KCNIP4: variants seen among roughly 807,000 people sequenced by gnomAD.
The protein encoded by KCNIP4 is potassium voltage-gated channel interacting protein 4.
KCNIP4 carries 12 observed loss-of-function variants against 34.0 expected under a neutral mutation model. The observed-to-expected ratio is 0.35, with a 90% CI of 0.23 to 0.57. The LOEUF (loss-of-function observed/expected upper bound fraction) is 0.57. KCNIP4 is among the 20% of genes least tolerant of loss of function. KCNIP4 has a pLI of 0.83. For synonymous variants in KCNIP4, 124 were observed against 102.2 expected (o/e 1.21, Z -1.29); for missense variants, 238 against 311.7 (o/e 0.76, Z 1.78).
In KCNIP4 at chr4:21,777,420, C is replaced by T. The variant is rs186826067; in HGVS notation, c.61+171151G>A. Among the ~76,000 whole-genome samples, 434 of 152,254 alleles carry T rather than the reference C, an allele frequency of 2.9e-3. 3 individuals are homozygous for T. The highest frequency in any genetic ancestry group is 9.6e-3 in the African/African-American group (401 of 41,560). ...GTAATATACAATAATCACTAAAGCA[C>T]CTTCATATGGTGCCACAAAGCATAC... On this transcript the variant is annotated intron_variant, in intron 1 of 8. Coordinates refer to ENST00000382152, the MANE Select transcript of KCNIP4 (RefSeq NM_025221.6).
chr4:20,876,645 T>C (rs1560535452), intron 2 of KCNIP4, among the ~76,000 whole-genome samples: 1 of 152,084 alleles, frequency 6.6e-6, no homozygotes, highest in Non-Finnish European at 1.5e-5. Flanking sequence ...CTCAGCTCAC[T>C]GCAACCTCCA....
intron 3 of KCNIP4, among the ~76,000 whole-genome samples, chr4:20,771,052 G>A (rs192141477): frequency 1.3e-5 from 2 of 152,138 alleles, no homozygotes; most frequent in Non-Finnish European, 2.9e-5. Flanking sequence ...GTACATGGGA[G>A]GATGTATAGG....
chr4:21,296,350 C>T (rs1046200560), intron 1 of KCNIP4, among the ~76,000 whole-genome samples: 3 of 151,418 alleles, frequency 2.0e-5, no homozygotes, highest in African/African-American at 7.3e-5. Context: ...CACTTGTTTA[C>T]CAAGCAATGA....
intron 1 of KCNIP4, among the ~76,000 whole-genome samples, chr4:20,949,224 G>A (rs1400618473): frequency 1.3e-5 from 2 of 152,214 alleles, no homozygotes; most frequent in African/African-American, 2.4e-5. Context: ...CTGACGCATA[G>A]TCACAATGTT....
chr4:21,779,831 T>C (rs1485903075), intron 1 of KCNIP4, among the ~76,000 whole-genome samples: 1 of 151,654 alleles, frequency 6.6e-6, no homozygotes, highest in Non-Finnish European at 1.5e-5. Context: ...GTCGGGAGGC[T>C]GAAGCAGGAG....
chr4:20,822,308 C>T (rs1717206442), intron 3 of KCNIP4, among the ~76,000 whole-genome samples: 1 of 152,122 alleles, frequency 6.6e-6, no homozygotes, highest in Non-Finnish European at 1.5e-5. Context: ...GGCCAACACA[C>T]ATATGGAAAC....
intron 1 of KCNIP4, among the ~76,000 whole-genome samples, chr4:21,210,468 A>C (rs1236038761): frequency 6.6e-6 from 1 of 152,214 alleles, no homozygotes; most frequent in Non-Finnish European, 1.5e-5. Context: ...AAAGGAAGAC[A>C]CTCAATATAA....
chr4:21,409,997 G>A (rs1323418136), intron 1 of KCNIP4, among the ~76,000 whole-genome samples: 3 of 152,132 alleles, frequency 2.0e-5, no homozygotes, highest in Admixed American at 6.5e-5. Context: ...TTTTGGGAAC[G>A]TGAAAAGAGC....
At position 21,643,387 on chromosome 4, in the gene KCNIP4, T is replaced by G. The variant is rs114045487; in HGVS notation, c.61+305184A>C. Among the ~76,000 whole-genome samples the G allele has an allele frequency of 5.5e-3, 845 of 152,278 alleles. 4 individuals carry two copies. The highest frequency in any genetic ancestry group is 9.4e-3 in the Admixed American group (143 of 15,290). Reference sequence around the variant, plus strand: ...TTTAGTTGTACACAGGATAGTAGTATTAATCATGTTAAGCAAAAGTATTGC... The same window carrying G: ...TTTAGTTGTACACAGGATAGTAGTAGTAATCATGTTAAGCAAAAGTATTGC... On this transcript the variant is annotated intron_variant, in intron 1 of 8. Coordinates refer to ENST00000382152, the MANE Select transcript of KCNIP4 (RefSeq NM_025221.6).
intron 1 of KCNIP4, among the ~76,000 whole-genome samples, chr4:20,946,874 A>C (rs6448000): frequency 6.6e-6 from 1 of 152,016 alleles, no homozygotes; most frequent in Admixed American, 6.5e-5. Context: ...TTAATTGCAG[A>C]TTGTTACAGT....
intron 1 of KCNIP4, among the ~76,000 whole-genome samples, chr4:21,459,311 G>C (rs1729245078): frequency 6.6e-6 from 1 of 151,986 alleles, no homozygotes; most frequent in African/African-American, 2.4e-5. Context: ...GATCCCTCCT[G>C]GAAACACGTT....
At chr4:21,028,783 T>C (rs1426501105) in intron 1 of KCNIP4, among the ~76,000 whole-genome samples, 1 of 152,168 alleles carries the variant, frequency 6.6e-6, no homozygotes, top group Non-Finnish European at 1.5e-5. Context: ...AGGCATAGAA[T>C]GATGGGCTGT....
intron 1 of KCNIP4, among the ~76,000 whole-genome samples, chr4:21,241,438 C>T (rs1250159996): frequency 6.6e-6 from 1 of 152,068 alleles, no homozygotes; most frequent in Non-Finnish European, 1.5e-5. Flanking sequence ...TTGACATTCA[C>T]AGAGGGGTTA....
At chr4:21,152,444 T>C (rs532781859) in intron 1 of KCNIP4, among the ~76,000 whole-genome samples, 2 of 152,012 alleles carry the variant, frequency 1.3e-5, no homozygotes, top group East Asian at 1.9e-4. Context: ...TCAAACAACA[T>C]AGGAAAGCAA....
intron 1 of KCNIP4, among the ~76,000 whole-genome samples, chr4:21,858,867 A>T (rs1724904386): frequency 6.6e-6 from 1 of 152,230 alleles, no homozygotes; most frequent in African/African-American, 2.4e-5. Context: ...AAACCACAGT[A>T]TCCTAAGATA....
chr4:21,685,649 A>C (rs925719161), intron 1 of KCNIP4, among the ~76,000 whole-genome samples: 6 of 152,228 alleles, frequency 3.9e-5, no homozygotes, highest in Non-Finnish European at 5.9e-5. Flanking sequence ...AAAATAAAGA[A>C]AGGAGACCAA....
At chr4:21,109,119 C>T (rs1051754261) in intron 1 of KCNIP4, among the ~76,000 whole-genome samples, 1 of 150,918 alleles carries the variant, frequency 6.6e-6, no homozygotes, top group Non-Finnish European at 1.5e-5. Flanking sequence ...AGAACCACTG[C>T]TCTCTTCAAA....
chr4:21,948,480 C>A, intron 1 of KCNIP4, 91 bp downstream of exon 1: 1 of 1,410,780 alleles, frequency 7.1e-7, no homozygotes, highest in South Asian at 1.3e-5. Flanking sequence ...AACAAGCGTC[C>A]CCAGCCGAGG....
rs181312932 is a variant in KCNIP4, at chr4:21,109,701, G to A, written c.62-226992C>T. Among the ~76,000 whole-genome samples the A allele has an allele frequency of 3.9e-3, 592 of 152,258 alleles. 2 individuals carry two copies. The highest frequency in any genetic ancestry group is 0.014 in the African/African-American group (564 of 41,568). On this transcript the variant is annotated intron_variant, in intron 1 of 8. Transcript: ENST00000382152. ...ATCACCCGTCTTCTGCATGACTCAC[G>A]CTGGGAGCTGTAGACCGGAGCTGTT... is the stretch of plus-strand genomic sequence containing the variant.
Sources: allele counts gnomAD v4.1 joint callset (sites outside exome capture counted in the v4.1 genomes callset), GRCh38; gene constraint gnomAD v4.1.1; transcripts MANE v1.5; gene names NCBI Gene and HGNC (gene_info 2026-07-23, HGNC 2026-07-21).